PLEK2: variants seen among roughly 807,000 people sequenced by gnomAD.
PLEK2 encodes the protein pleckstrin 2.
A neutral mutation model predicts 43.8 loss-of-function variants in PLEK2; 29 were observed. The observed-to-expected ratio is 0.66, with a 90% CI of 0.49 to 0.90. The LOEUF is 0.90. Among genes scored for constraint, PLEK2 ranks in the 40% least tolerant of loss-of-function variants. The pLI, the probability that PLEK2 is intolerant of heterozygous loss-of-function variation, is 0.00. For missense variants in PLEK2, 398 were observed against 448.1 expected (o/e 0.89, Z 1.01); for synonymous variants, 162 against 173.2 (o/e 0.94, Z 0.51).
At chr14:67,394,793 G>A (rs2085994420) in intron 3 of PLEK2, among the ~76,000 whole-genome samples, 1 of 152,210 alleles carries the variant, frequency 6.6e-6, no homozygotes, top group Admixed American at 6.5e-5. Flanking sequence ...CTCTGCCCTT[G>A]TGAATGGATT....
intron 1 of PLEK2, among the ~76,000 whole-genome samples, chr14:67,410,936 G>A (rs145762082): frequency 2.0e-5 from 3 of 152,062 alleles, no homozygotes; most frequent in East Asian, 3.9e-4. Flanking sequence ...ACTTAAACCC[G>A]GGAGTTCAAG....
chr14:67,400,507 T>C (rs2139874590), intron 1 of PLEK2, among the ~76,000 whole-genome samples: 1 of 152,296 alleles, frequency 6.6e-6, no homozygotes, highest in South Asian at 2.1e-4. Context: ...CCATTTCCTA[T>C]GACCACCCCC....
chr14:67,394,888 G>A (rs1434306300), intron 3 of PLEK2, among the ~76,000 whole-genome samples: 1 of 152,128 alleles, frequency 6.6e-6, no homozygotes, highest in Non-Finnish European at 1.5e-5. Context: ...AAGCATGTTA[G>A]CATGCTCAGC....
intron 1 of PLEK2, among the ~76,000 whole-genome samples, chr14:67,401,744 C>G (rs1299704809): frequency 6.6e-6 from 1 of 152,186 alleles, no homozygotes; most frequent in East Asian, 1.9e-4. Context: ...TTAGTTATAG[C>G]AGCCCTCATA....
rs1182440136 is a variant in PLEK2 at position 67,387,410 on chromosome 14, C to T, written c.981G>A (p.Lys327=). Residue 327 remains lysine (K), a synonymous_variant, in exon 9 of 9, where the codon AAG becomes AAA. Coordinates refer to ENST00000216446, the MANE Select transcript of PLEK2 (RefSeq NM_016445.3). ...VQGNLFKVIT[K]DDTHYYIQAS... ...CCTGAATGTAATAGTGTGTGTCATC[C>T]TTAGTAATCACTTTGAAGAGGTTTC... The T allele has an allele frequency of 1.2e-6, 2 of 1,610,160 alleles. No homozygotes were observed. The highest frequency in any genetic ancestry group is 1.7e-6 in the Non-Finnish European group (2 of 1,178,542).
At chr14:67,388,811 C>G (rs2085946470) in intron 7 of PLEK2, among the ~76,000 whole-genome samples, 1 of 152,058 alleles carries the variant, frequency 6.6e-6, no homozygotes, top group Non-Finnish European at 1.5e-5. Context: ...TCCCGAGGAA[C>G]TGGGATTACA....
intron 7 of PLEK2, among the ~76,000 whole-genome samples, chr14:67,389,055 A>G (rs1212654642): frequency 6.6e-6 from 1 of 151,772 alleles, no homozygotes; most frequent in African/African-American, 2.4e-5. Context: ...GTGCCTAGCA[A>G]GAAACTTCGT....
intron 1 of PLEK2, among the ~76,000 whole-genome samples, chr14:67,403,917 T>C (rs2086063282): frequency 6.6e-6 from 1 of 152,082 alleles, no homozygotes; most frequent in Non-Finnish European, 1.5e-5. Context: ...CTGGGTGTGG[T>C]GGCACACTCC....
chr14:67,395,591 A>C lies in PLEK2; in HGVS notation c.208-8T>G. The C allele has an allele frequency of 6.2e-6, 10 of 1,613,820 alleles. No homozygotes were observed. Among genetic ancestry groups the C allele is most frequent in the Non-Finnish European group, 8.5e-6 (10 of 1,179,768 alleles). On this transcript the variant is annotated splice_polypyrimidine_tract_variant and splice_region_variant and intron_variant, in intron 2 of 8. Coordinates refer to ENST00000216446, the MANE Select transcript of PLEK2 (RefSeq NM_016445.3). ...CTTCAGCTTAATGAGGAGCTGTGGG[A>C]AGAGAGAGCCAGTCAGGCCAGCACT...
chr14:67,397,642 C>T lies in PLEK2; in HGVS notation c.207+20G>A. On this transcript the variant is annotated intron_variant, in intron 2 of 8. Transcript: ENST00000216446. ...GGCTGTGGAACAGAGAGGAGCTGGACAGCAGGGGCCATCACTTACCGGTCG... is the reference window on the plus strand; with the variant it reads ...GGCTGTGGAACAGAGAGGAGCTGGATAGCAGGGGCCATCACTTACCGGTCG... 6.3e-7 allele frequency: 1 copy of T among 1,598,764 alleles called. No homozygotes were observed. Among genetic ancestry groups the T allele is most frequent in the Non-Finnish European group, 8.5e-7 (1 of 1,171,240 alleles).
At chr14:67,391,592 G>A (rs566315311) in intron 6 of PLEK2, among the ~76,000 whole-genome samples, 3 of 152,308 alleles carry the variant, frequency 2.0e-5, no homozygotes, top group East Asian at 1.9e-4. Flanking sequence ...GAGTGGTGCC[G>A]AGCCGTGTAG....
At chr14:67,410,430 GGAGCTCCC>G (rs1452149918) in intron 1 of PLEK2, among the ~76,000 whole-genome samples, 9 of 152,148 alleles carry the variant, frequency 5.9e-5, no homozygotes, top group African/African-American at 1.7e-4. Flanking sequence ...TGTGAGATTA[GGAGCTCCC>G]CATGTGTAGT....
At chr14:67,390,803 T>C (rs2085960901) in intron 6 of PLEK2, 57 bp from the exon 7 acceptor site, 3 of 1,190,022 alleles carry the variant, frequency 2.5e-6, no homozygotes, top group Non-Finnish European at 3.8e-6. Context: ...CCCTCTCTCC[T>C]GTATCTATGC....
rs2085974245 is a variant in PLEK2, at chr14:67,392,230, C to T, written c.771+96G>A. 3 of 854,660 alleles carry T rather than the reference C, an allele frequency of 3.5e-6. No homozygotes were observed. In the Admixed American group the frequency reaches 5.3e-5, roughly 15 times the overall value. 52.9% of individuals were successfully genotyped at this position (854,660 alleles called of 1,614,324 possible). Reference sequence around the variant, plus strand: ...TAGATTTTGCTGTAATTGGTGCCCTCCAGCAGCCTCAGCCCTTCCCTTCTT... The same window carrying T: ...TAGATTTTGCTGTAATTGGTGCCCTTCAGCAGCCTCAGCCCTTCCCTTCTT... On this transcript the variant is annotated intron_variant, in intron 6 of 8. Coordinates refer to ENST00000216446, the MANE Select transcript of PLEK2 (RefSeq NM_016445.3).
At chr14:67,397,900 G>T in intron 1 of PLEK2, 74 bp from the exon 2 acceptor site, 2 of 1,231,316 alleles carry the variant, frequency 1.6e-6, no homozygotes, top group Non-Finnish European at 2.3e-6. Context: ...GGGGTGTCTG[G>T]TGGCACAAGT....
At chr14:67,395,651 G>C in intron 2 of PLEK2, 68 bp from the exon 3 acceptor site, 1 of 1,450,674 alleles carries the variant, frequency 6.9e-7, no homozygotes, top group Non-Finnish European at 9.6e-7. Flanking sequence ...CAGCAAAAAT[G>C]ACGGGGCCCC....
At chr14:67,387,531 T>C (rs1049312090) in intron 8 of PLEK2, 75 bp from the exon 9 acceptor site, 2 of 1,462,568 alleles carry the variant, frequency 1.4e-6, no homozygotes, top group African/African-American at 1.4e-5. Context: ...CAGCAGAAAG[T>C]CAACTGAGAC....
At chr14:67,409,626 A>T (rs1375801517) in intron 1 of PLEK2, among the ~76,000 whole-genome samples, 1 of 151,788 alleles carries the variant, frequency 6.6e-6, no homozygotes, top group Non-Finnish European at 1.5e-5. Context: ...AGGCCCAGTG[A>T]GCTCCTTGCA....
chr14:67,398,271 C>G (rs2086025241), intron 1 of PLEK2, among the ~76,000 whole-genome samples: 1 of 152,120 alleles, frequency 6.6e-6, no homozygotes, highest in Non-Finnish European at 1.5e-5. Flanking sequence ...AAGAGACAGG[C>G]TGGAGTACAG....
Sources: gnomAD v4.1 joint callset for allele counts (sites outside exome capture counted in the v4.1 genomes callset) on GRCh38, gnomAD v4.1.1 for gene constraint, MANE v1.5 for transcripts, NCBI Gene and HGNC (gene_info 2026-07-23, HGNC 2026-07-21) for gene names.